The following IL7 variants were observed in gnomAD, a reference collection of about 807,000 sequenced individuals.
The protein encoded by IL7 is interleukin-7.
A neutral mutation model predicts 21.6 loss-of-function variants in IL7; 3 were observed. That is an observed-to-expected ratio of 0.14 (90% CI 0.06 to 0.36). IL7 has a LOEUF of 0.36. Among genes scored for constraint, IL7 ranks in the 10% least tolerant of loss-of-function variants. IL7 has a pLI of 1.00. For synonymous variants in IL7, 62 were observed against 68.1 expected, an observed-to-expected ratio of 0.91 and a Z score of 0.44; for missense variants, 175 against 200.2, an observed-to-expected ratio of 0.87 and a Z score of 0.76.
intron 4 of IL7, among the ~76,000 whole-genome samples, chr8:78,681,623 G>A (rs879727934): frequency 5.9e-5 from 9 of 152,210 alleles, no homozygotes; most frequent in Admixed American, 2.6e-4. Flanking sequence ...ATTGATGCTA[G>A]ATTTTTCTTA....
intron 2 of IL7, among the ~76,000 whole-genome samples, chr8:78,767,995 C>T (rs1402429948): frequency 1.3e-5 from 2 of 152,004 alleles, no homozygotes; most frequent in African/African-American, 4.8e-5. Context: ...TGTTCAATTC[C>T]CACCTATGAG....
At chr8:78,708,772 C>A (rs1239277087) in intron 3 of IL7, among the ~76,000 whole-genome samples, 2 of 151,282 alleles carry the variant, frequency 1.3e-5, no homozygotes, top group Non-Finnish European at 2.9e-5. Flanking sequence ...CCTCCGCCTC[C>A]TGGATTCAAG....
chr8:78,733,482 T>C lies in IL7; in HGVS notation c.*231A>G. On this transcript the variant is annotated 3_prime_UTR_variant, in exon 6 of 6. Coordinates refer to ENST00000263851, the MANE Select transcript of IL7 (RefSeq NM_000880.4). ...ATCAGTACAGAATTATACTGATTGATAAATGTTCACATATATAAGAAATAG... is the reference window on the plus strand; with the variant it reads ...ATCAGTACAGAATTATACTGATTGACAAATGTTCACATATATAAGAAATAG... 1 of 399,724 alleles carries C rather than the reference T, an allele frequency of 2.5e-6. No individual in the cohort carries two copies. The highest frequency in any genetic ancestry group is 4.4e-6 in the Non-Finnish European group (1 of 224,822). The allele number at this position is 399,724 out of a possible 1,614,324, so 24.8% of individuals were successfully genotyped here.
At chr8:78,685,259 T>TA (rs932446024) in intron 4 of IL7, among the ~76,000 whole-genome samples, 8 of 152,038 alleles carry the variant, frequency 5.3e-5, no homozygotes, top group African/African-American at 1.9e-4. Context: ...ATAGCCATGT[T>TA]AAAAAAATAA....
At chr8:78,687,249 C>T (rs1049045857) in intron 3 of IL7, among the ~76,000 whole-genome samples, 2 of 151,798 alleles carry the variant, frequency 1.3e-5, no homozygotes, top group African/African-American at 4.8e-5. Flanking sequence ...GTTAATGTAA[C>T]AGGGTAGCCA....
At chr8:78,684,258 G>A (rs1809881471) in intron 4 of IL7, among the ~76,000 whole-genome samples, 1 of 152,182 alleles carries the variant, frequency 6.6e-6, no homozygotes, top group African/African-American at 2.4e-5. Context: ...AAGAAAAAGA[G>A]GTGTAACAGA....
intron 2 of IL7, among the ~76,000 whole-genome samples, chr8:78,764,502 GA>G (rs991491344): frequency 6.6e-6 from 1 of 151,914 alleles, no homozygotes; most frequent in Non-Finnish European, 1.5e-5. Flanking sequence ...GGATACAAGA[GA>G]AATAAGTCAA....
At chr8:78,713,463 C>CA (rs35677411), downstream of IL7, among the ~76,000 whole-genome samples, 374 of 136,602 alleles carry the variant, frequency 2.7e-3, 2 homozygotes, top group East Asian at 0.021. Flanking sequence ...ATTCTATAGC[C>CA]AAAAAAAAAA....
chr8:78,731,263 A>T (rs1811419265), downstream of IL7, among the ~76,000 whole-genome samples: 1 of 151,968 alleles, frequency 6.6e-6, no homozygotes, highest in African/African-American at 2.4e-5. Context: ...GTTTTAAAAT[A>T]CTTTTAACCG....
In IL7 at chr8:78,681,906, T is replaced by A. The variant is rs564797499; in HGVS notation, n.273+3983A>T. On this transcript the variant is annotated intron_variant and non_coding_transcript_variant, in intron 4 of 4. Transcript: ENST00000523959. Reference sequence around the variant, plus strand: ...CTCTTTTTTCCTTTTTCTTTCTTTTTTTTTTTTTTCTTTTTTTTGAGACAG... The same window carrying A: ...CTCTTTTTTCCTTTTTCTTTCTTTTATTTTTTTTTCTTTTTTTTGAGACAG... Among the ~76,000 whole-genome samples, 332 of 150,884 alleles carry A rather than the reference T, an allele frequency of 2.2e-3. 3 individuals are homozygous for A. The highest frequency in any genetic ancestry group is 7.5e-3 in the African/African-American group (310 of 41,248).
At chr8:78,681,199 A>G (rs1188533659) in intron 4 of IL7, among the ~76,000 whole-genome samples, 2 of 152,074 alleles carry the variant, frequency 1.3e-5, no homozygotes, top group Non-Finnish European at 2.9e-5. Context: ...GCTAGTTTGT[A>G]TAGCTACCCT....
chr8:78,689,329 T>C, intron 3 of IL7: 1 of 1,603,092 alleles, frequency 6.2e-7, no homozygotes. Context: ...TAAAGGGAAA[T>C]TTTCTACAGA....
chr8:78,789,514 C>A (rs1172404978), intron 2 of IL7, among the ~76,000 whole-genome samples: 2 of 152,002 alleles, frequency 1.3e-5, no homozygotes, highest in African/African-American at 4.8e-5. Context: ...AATGCAAGAC[C>A]AAATCCTGAT....
At chr8:78,791,673 A>T (rs1047661654) in intron 2 of IL7, among the ~76,000 whole-genome samples, 2 of 152,118 alleles carry the variant, frequency 1.3e-5, no homozygotes, top group Non-Finnish European at 1.5e-5. Context: ...TTAATATATT[A>T]TCATGTGCTC....
Position 78,762,652 on chromosome 8 carries a change from ATT to A in IL7, c.148-22572_148-22571del, listed in dbSNP as rs35466249. On this transcript the variant is annotated intron_variant, in intron 2 of 5. Coordinates refer to ENST00000263851, the MANE Select transcript of IL7 (RefSeq NM_000880.4). Reference sequence around the variant, plus strand: ...AAGACATGAATTGCCTTCCCAATGCATTTTTTTTTTTCTATTGTGTCCTCTTG... The same window carrying A: ...AAGACATGAATTGCCTTCCCAATGCATTTTTTTTTCTATTGTGTCCTCTTG... Among the ~76,000 whole-genome samples, 282 of 146,096 alleles carry A rather than the reference ATT, an allele frequency of 1.9e-3. 1 individual carries two copies. The highest frequency in any genetic ancestry group is 7.2e-3 in the Middle Eastern group (2 of 276).
At chr8:78,696,179 C>T (rs1006979448) in intron 3 of IL7, among the ~76,000 whole-genome samples, 13 of 151,956 alleles carry the variant, frequency 8.6e-5, no homozygotes, top group Non-Finnish European at 1.3e-4. Context: ...GGACTACAGG[C>T]GCCCGCTACC....
At chr8:78,760,652 T>A (rs1812522078) in intron 2 of IL7, 1 of 1,591,334 alleles carries the variant, frequency 6.3e-7, no homozygotes, top group Admixed American at 1.7e-5. Flanking sequence ...TGAGAATATA[T>A]CTTTAAGTTC....
chr8:78,691,329 C>G (rs1020869035), intron 3 of IL7, among the ~76,000 whole-genome samples: 1 of 152,066 alleles, frequency 6.6e-6, no homozygotes, highest in African/African-American at 2.4e-5. Context: ...ACATCTTCCC[C>G]ATTTATTGGC....
rs147000665 is a variant in IL7, at chr8:78,736,071, TATAAG to T, written c.414+398_414+402del. Among the ~76,000 whole-genome samples the T allele has an allele frequency of 3.2e-3, 489 of 151,434 alleles. 2 individuals are homozygous for T. The highest frequency in any genetic ancestry group is 0.011 in the African/African-American group (468 of 41,452). ...AATCTACACTAATAAAAGAGGTATA[TATAAG>T]ATAAGTCCTTATTGTTTAATTTTTA... On this transcript the variant is annotated intron_variant, in intron 5 of 5. Transcript: ENST00000263851.
Sources: gnomAD v4.1 joint callset for allele counts (sites outside exome capture counted in the v4.1 genomes callset) on GRCh38, gnomAD v4.1.1 for gene constraint, MANE v1.5 for transcripts, NCBI Gene and HGNC (gene_info 2026-07-23, HGNC 2026-07-21) for gene names.